The following UROS variants were observed in gnomAD, a reference collection of about 807,000 sequenced individuals.
UROS encodes the protein uroporphyrinogen III synthase.
A neutral mutation model predicts 33.0 loss-of-function variants in UROS; 18 were observed. The ratio of observed to expected loss-of-function variants is 0.55; its 90% CI spans 0.38 to 0.81. UROS has a LOEUF of 0.81. Among genes scored for constraint, UROS ranks in the 30% least tolerant of loss-of-function variants. The pLI is 0.00. For missense variants in UROS, 293 were observed against 314.9 expected (o/e 0.93, Z 0.53); for synonymous variants, 114 against 121.1 (o/e 0.94, Z 0.38).
rs147782343 is a variant in UROS, at chr10:125,798,087, C to A, written c.453G>T (p.Leu151=). ...FPCGNLKREI[L]PKALKDKGIA... ...CGCCTTTGTCCTTGAGCGCTTTTGG[C>A]AGGATTTCTCTTTTGAGGTTTCCAC... The change falls in exon 7 of 10, where the codon CTG becomes CTT. Residue 151 remains leucine (L), a synonymous_variant. Transcript: ENST00000368797. The A allele has an allele frequency of 2.1e-5, 34 of 1,613,904 alleles. No individual in the cohort carries two copies. In the African/African-American group the frequency reaches 3.3e-4, roughly 16 times the overall value.
At chr10:125,795,272 C>T (rs1179401528) in intron 8 of UROS, 8 of 450,794 alleles carry the variant, frequency 1.8e-5, no homozygotes, top group African/African-American at 4.0e-5. Flanking sequence ...CTAGACAATG[C>T]CTCTAGCTCC....
chr10:125,794,827 T>TAAA, intron 9 of UROS, 53 bp downstream of exon 9: 8 of 1,315,594 alleles, frequency 6.1e-6, no homozygotes, highest in Non-Finnish European at 6.4e-6. Flanking sequence ...TCATAAAGAT[T>TAAA]AAAAAAAAAA....
chr10:125,794,458 G>A, intron 9 of UROS: 1 of 705,248 alleles, frequency 1.4e-6, no homozygotes. Flanking sequence ...AAGTGAGAAT[G>A]TAAACCCTTT....
intron 4 of UROS, among the ~76,000 whole-genome samples, chr10:125,814,380 G>T (rs1212292410): frequency 6.6e-6 from 1 of 152,174 alleles, no homozygotes; most frequent in Non-Finnish European, 1.5e-5. Context: ...GACTTGTTCT[G>T]TGCTTACTAT....
chr10:125,807,542 T>C (rs545386342), intron 5 of UROS, 55 bp from the exon 6 acceptor site: 254 of 1,425,234 alleles, frequency 1.8e-4, no homozygotes, highest in Non-Finnish European at 2.4e-4. Flanking sequence ...GTCCTTTTGT[T>C]CCAGCGTTAT....
intron 4 of UROS, 120 bp from the exon 5 acceptor site, chr10:125,812,408 G>A: frequency 2.4e-6 from 2 of 835,250 alleles, no homozygotes; most frequent in Non-Finnish European, 3.9e-6. Context: ...GCAACCAAAT[G>A]TAAAAAACAG....
rs756470080 is a variant in UROS at position 125,788,835 on chromosome 10, G to A, written c.*33C>T. The A allele has an allele frequency of 1.6e-5, 25 of 1,557,308 alleles. No homozygotes were observed. In the East Asian group the frequency reaches 5.7e-4, roughly 36 times the overall value. ...CCATCCAGAGCCAGCCCAGCCCAGG[G>A]AGGCTGCATGGGGCCAGCGCTAGGT... On this transcript the variant is annotated 3_prime_UTR_variant, in exon 10 of 10. Transcript: ENST00000368797.
At chr10:125,819,673 A>G (rs777258737) in intron 1 of UROS, 1 of 152,670 alleles carries the variant, frequency 6.6e-6, no homozygotes, top group South Asian at 2.1e-4. Flanking sequence ...CAGAGGCACT[A>G]TATGGCCCTC....
At chr10:125,791,232 A>G (rs1392037371) in intron 9 of UROS, among the ~76,000 whole-genome samples, 1 of 152,230 alleles carries the variant, frequency 6.6e-6, no homozygotes, top group Non-Finnish European at 1.5e-5. Flanking sequence ...TAACAAACAC[A>G]TAAAAAGATG....
chr10:125,802,877 C>T, intron 6 of UROS: 10 of 1,562,606 alleles, frequency 6.4e-6, no homozygotes, highest in South Asian at 1.2e-5. Flanking sequence ...CCTTGGGGCT[C>T]AGGCTGGCCT....
chr10:125,813,770 C>A lies in UROS; in HGVS notation c.244+1264G>T, dbSNP rs114275378. On this transcript the variant is annotated intron_variant, in intron 4 of 9. Coordinates refer to ENST00000368797, the MANE Select transcript of UROS (RefSeq NM_000375.3). ...CTGGGATTACAGGCATGAGCCACTG[C>A]GCCTGGCTGGCTCTGAGTTTCTTAG... Among the ~76,000 whole-genome samples the A allele has an allele frequency of 1.9e-3, 291 of 152,332 alleles. 2 individuals carry two copies. The highest frequency in any genetic ancestry group is 6.6e-3 in the African/African-American group (273 of 41,578).
Position 125,798,499 on chromosome 10 carries a change from T to G in UROS, c.395-354A>C, listed in dbSNP as rs1168733233. ...TTGCACCTTAACTAAGTCAGGAAGG[T>G]GAAGATCAGGCCTGGTGCTGACTGG... On this transcript the variant is annotated intron_variant, in intron 6 of 9. Transcript: ENST00000368797. Among the ~76,000 whole-genome samples the G allele has an allele frequency of 6.6e-5, 10 of 152,184 alleles. 1 individual carries two copies. Among genetic ancestry groups the G allele is most frequent in the Admixed American group, 6.5e-4 (10 of 15,282 alleles).
At chr10:125,812,357 G>T in intron 4 of UROS, 69 bp from the exon 5 acceptor site, 1 of 1,420,872 alleles carries the variant, frequency 7.0e-7, no homozygotes, top group Non-Finnish European at 9.9e-7. Context: ...GCCCAAGGCT[G>T]CTTGTTCACC....
chr10:125,821,549 G>A (rs1853897766), intron 1 of UROS, among the ~76,000 whole-genome samples: 1 of 152,172 alleles, frequency 6.6e-6, no homozygotes, highest in Non-Finnish European at 1.5e-5. Context: ...TGGTGGTGAT[G>A]GTTGCACAAT....
At chr10:125,816,689 A>G (rs1376784528) in intron 1 of UROS, 164 bp from the exon 2 acceptor site, 10 of 668,498 alleles carry the variant, frequency 1.5e-5, no homozygotes, top group East Asian at 2.7e-5. Context: ...CTTTCTGAAG[A>G]CCCCTGTCAC....
intron 1 of UROS, among the ~76,000 whole-genome samples, chr10:125,817,770 C>A (rs1032043243): frequency 6.6e-6 from 1 of 152,168 alleles, no homozygotes; most frequent in Non-Finnish European, 1.5e-5. Context: ...CGTGGCAGAG[C>A]TGGGATTCAC....
chr10:125,795,328 T>C (rs1446949525), intron 8 of UROS: 1 of 329,858 alleles, frequency 3.0e-6, no homozygotes, highest in Non-Finnish European at 5.8e-6. Context: ...TGTGAGGCAG[T>C]GCTGGCTCCC....
At chr10:125,804,605 C>G (rs1852155740) in intron 6 of UROS, among the ~76,000 whole-genome samples, 1 of 152,284 alleles carries the variant, frequency 6.6e-6, no homozygotes, top group Non-Finnish European at 1.5e-5. Flanking sequence ...AGACTGAGCC[C>G]TTAAAGCTGT....
At chr10:125,809,336 T>A (rs1852600172) in intron 5 of UROS, among the ~76,000 whole-genome samples, 1 of 152,250 alleles carries the variant, frequency 6.6e-6, no homozygotes, top group Admixed American at 6.5e-5. Flanking sequence ...AATGGAAGGC[T>A]TTCCTAGGAT....
Sources: gnomAD v4.1 joint callset for allele counts (sites outside exome capture counted in the v4.1 genomes callset) on GRCh38, gnomAD v4.1.1 for gene constraint, MANE v1.5 for transcripts, NCBI Gene and HGNC (gene_info 2026-07-23, HGNC 2026-07-21) for gene names.